Variants in SIAH3 observed in about 807,000 individuals in gnomAD.
SIAH3 encodes seven in absentia homolog 3.
SIAH3 carries 9 observed loss-of-function variants against 12.6 expected under a neutral mutation model. The ratio of observed to expected loss-of-function variants is 0.72; its 90% confidence interval spans 0.43 to 1.25. The LOEUF (loss-of-function observed/expected upper bound fraction) is 1.25, where lower values mean the gene tolerates loss of function less well. Among genes scored for constraint, SIAH3 ranks in the 50% most tolerant of loss-of-function variants. The pLI is 0.00. For missense variants in SIAH3, 390 were observed against 365.4 expected (o/e 1.07, Z -0.55); for synonymous variants, 154 against 151.1 (o/e 1.02, Z -0.14).
rs1251995671 is a variant in SIAH3, at chr13:45,777,900, A to C, written c.*5483T>G. The C allele has an allele frequency of 6.6e-6, 1 of 152,172 alleles. No individual in the cohort carries two copies. Among genetic ancestry groups the C allele is most frequent in the East Asian group, 1.9e-4 (1 of 5,188 alleles). The allele number at this position is 152,172 out of a possible 1,614,324, so 9.4% of individuals were successfully genotyped here. A position where few individuals can be genotyped will look rare whatever the true frequency, so the allele number is the denominator to read the frequency against. The stretch of plus-strand genomic sequence containing the variant: ...GTAACTGATGCACTATTGACCTTGA[A>C]GATTCTGCCTGCTTCAATGGACTTA... On this transcript the variant is annotated 3_prime_UTR_variant, in exon 2 of 2. Coordinates refer to ENST00000400405, the MANE Select transcript of SIAH3 (RefSeq NM_198849.3).
intron 1 of SIAH3, among the ~76,000 whole-genome samples, chr13:45,825,694 C>T (rs548699489): frequency 2.0e-5 from 3 of 152,254 alleles, no homozygotes; most frequent in South Asian, 2.1e-4. Context: ...CTTTCTGTTG[C>T]TGCTTTCCTG....
At chr13:45,797,302 C>T (rs1950566349) in intron 1 of SIAH3, among the ~76,000 whole-genome samples, 1 of 152,148 alleles carries the variant, frequency 6.6e-6, no homozygotes, top group African/African-American at 2.4e-5. Flanking sequence ...CAGGCTCTAG[C>T]TCAGCCTTCT....
At chr13:45,832,017 G>C (rs1950701135) in intron 1 of SIAH3, among the ~76,000 whole-genome samples, 1 of 152,154 alleles carries the variant, frequency 6.6e-6, no homozygotes, top group Non-Finnish European at 1.5e-5. Flanking sequence ...TCCAGCCCAG[G>C]GGTGGGAAGG....
intron 1 of SIAH3, among the ~76,000 whole-genome samples, chr13:45,785,734 G>A (rs1315268088): frequency 6.6e-6 from 1 of 152,172 alleles, no homozygotes; most frequent in Non-Finnish European, 1.5e-5. Context: ...CCAGAAGTGT[G>A]ATCTACAGGG....
intron 1 of SIAH3, among the ~76,000 whole-genome samples, chr13:45,810,003 G>T (rs2137563458): frequency 6.6e-6 from 1 of 152,266 alleles, no homozygotes; most frequent in South Asian, 2.1e-4. Context: ...CGTTGCCATG[G>T]GCTCCCTGGT....
At chr13:45,791,341 T>G (rs114863024) in intron 1 of SIAH3, among the ~76,000 whole-genome samples, 8,423 of 152,232 alleles carry the variant, frequency 0.055, 766 homozygotes, top group African/African-American at 0.19. Context: ...AAAGTAATTG[T>G]GGTCTTTGCC....
chr13:45,846,040 G>A (rs7328366), intron 1 of SIAH3, among the ~76,000 whole-genome samples: 18,764 of 149,972 alleles, frequency 0.13, 1,808 homozygotes, highest in East Asian at 0.34. Flanking sequence ...AAGGCAACCT[G>A]GGGCAGTGTA....
intron 1 of SIAH3, among the ~76,000 whole-genome samples, chr13:45,840,930 G>T (rs1401006095): frequency 1.3e-5 from 2 of 152,166 alleles, no homozygotes; most frequent in Non-Finnish European, 2.9e-5. Context: ...TTGATATTCT[G>T]TATAATGGAG....
chr13:45,808,252 A>G (rs984535424), intron 1 of SIAH3, among the ~76,000 whole-genome samples: 2 of 148,174 alleles, frequency 1.3e-5, no homozygotes, highest in Non-Finnish European at 3.0e-5. Context: ...GTGTCCTGGT[A>G]TATAGGTGTT....
intron 1 of SIAH3, among the ~76,000 whole-genome samples, chr13:45,789,114 A>G (rs996179952): frequency 2.0e-5 from 3 of 152,202 alleles, no homozygotes; most frequent in Admixed American, 2.0e-4. Flanking sequence ...AGGACTCTAG[A>G]TGCTTCCAAA....
At chr13:45,834,196 T>C (rs1950710161) in intron 1 of SIAH3, among the ~76,000 whole-genome samples, 1 of 152,226 alleles carries the variant, frequency 6.6e-6, no homozygotes, top group South Asian at 2.1e-4. Context: ...TATCCTGGAC[T>C]CAACAACTGG....
In SIAH3 at chr13:45,783,884, C is replaced by T. The variant is rs1334178454; in HGVS notation, c.309G>A (p.Thr103=). ...QEAGLHANPV[T]PCLCMCPLFS... Reference sequence around the variant, plus strand: ...ACAAGGGACACATGCACAGGCAGGGCGTCACCGGGTTGGCGTGCAGCCCCG... The same window carrying T: ...ACAAGGGACACATGCACAGGCAGGGTGTCACCGGGTTGGCGTGCAGCCCCG... Residue 103 remains threonine (T), a synonymous_variant, in exon 2 of 2, where the codon ACG becomes ACA. Coordinates refer to ENST00000400405, the MANE Select transcript of SIAH3 (RefSeq NM_198849.3). 1.2e-5 allele frequency: 20 copies of T among 1,612,650 alleles called. No individual in the cohort carries two copies. Among genetic ancestry groups the T allele is most frequent in the Admixed American group, 3.3e-5 (2 of 59,978 alleles).
chr13:45,794,990 G>T (rs975402276), intron 1 of SIAH3, among the ~76,000 whole-genome samples: 1 of 149,318 alleles, frequency 6.7e-6, no homozygotes, highest in African/African-American at 2.5e-5. Context: ...AAGTTTCTAA[G>T]ATTAGTCATT....
At position 45,781,178 on chromosome 13, in the gene SIAH3, A is replaced by G. The variant is rs1950502348; in HGVS notation, c.*2205T>C. 1 of 152,706 alleles carries G rather than the reference A, an allele frequency of 6.5e-6. No homozygotes were observed. The highest frequency in any genetic ancestry group is 2.4e-5 in the African/African-American group (1 of 41,474). 9.5% of individuals were successfully genotyped at this position (152,706 alleles called of 1,614,324 possible). ...GTGGCTCAGGTAACTTGGCACAACCAGAAGGCAAAGGTGATGTCTGCAGGA... is the reference window on the plus strand; with the variant it reads ...GTGGCTCAGGTAACTTGGCACAACCGGAAGGCAAAGGTGATGTCTGCAGGA... On this transcript the variant is annotated 3_prime_UTR_variant, in exon 2 of 2. Transcript: ENST00000400405.
chr13:45,843,839 A>G (rs1312176915), intron 1 of SIAH3, among the ~76,000 whole-genome samples: 1 of 152,162 alleles, frequency 6.6e-6, no homozygotes, highest in Non-Finnish European at 1.5e-5. Flanking sequence ...TGTCGTCATA[A>G]TGACCATGCT....
intron 1 of SIAH3, among the ~76,000 whole-genome samples, chr13:45,784,557 T>C (rs1369860600): frequency 1.4e-5 from 2 of 145,530 alleles, no homozygotes; most frequent in Non-Finnish European, 3.1e-5. Flanking sequence ...AGTCAGGGAT[T>C]GTCCTGTCTT....
intron 1 of SIAH3, among the ~76,000 whole-genome samples, chr13:45,815,212 T>C (rs559775109): frequency 3.9e-5 from 6 of 152,044 alleles, no homozygotes; most frequent in Non-Finnish European, 8.8e-5. Context: ...CCCAGATATT[T>C]GGTCAAATGC....
At chr13:45,786,694 T>G (rs9562617) in intron 1 of SIAH3, among the ~76,000 whole-genome samples, 33,656 of 152,162 alleles carry the variant, frequency 0.22, 5,102 homozygotes, top group East Asian at 0.72. Flanking sequence ...GGGTGAAGAC[T>G]TGGCAGCCTT....
At chr13:45,802,524 C>T (rs184084189) in intron 1 of SIAH3, among the ~76,000 whole-genome samples, 37 of 152,168 alleles carry the variant, frequency 2.4e-4, no homozygotes, top group African/African-American at 7.9e-4. Flanking sequence ...TGGATATTTA[C>T]GATGATTTTC....
Sources: allele counts gnomAD v4.1 joint callset (sites outside exome capture counted in the v4.1 genomes callset), GRCh38; gene constraint gnomAD v4.1.1; transcripts MANE v1.5; gene names NCBI Gene and HGNC (gene_info 2026-07-23, HGNC 2026-07-21).